ATP2C2: variants seen among roughly 807,000 people sequenced by gnomAD.
ATP2C2 encodes ATPase secretory pathway Ca2+ transporting 2.
In ATP2C2, 171 loss-of-function variants were observed where a neutral mutation model predicts 110.8. The ratio of observed to expected loss-of-function variants is 1.54; its 90% CI spans 1.36 to 1.75. ATP2C2 has a LOEUF of 1.75. Among genes scored for constraint, ATP2C2 ranks in the 40% most tolerant of loss-of-function variants. The pLI is 0.00. For missense variants in ATP2C2, 1,963 were observed against 1,235.0 expected, an observed-to-expected ratio of 1.59 and a Z score of -8.84; for synonymous variants, 804 against 508.4, an observed-to-expected ratio of 1.58 and a Z score of -7.82.
intron 1 of ATP2C2, among the ~76,000 whole-genome samples, chr16:84,385,307 G>A (rs537456749): frequency 2.0e-5 from 3 of 152,236 alleles, no homozygotes; most frequent in South Asian, 2.1e-4. Context: ...ACTCACATTC[G>A]CGAGGACAGT....
chr16:84,417,144 T>TG (rs1368846087), intron 7 of ATP2C2, among the ~76,000 whole-genome samples: 1 of 152,046 alleles, frequency 6.6e-6, no homozygotes, highest in Admixed American at 6.6e-5. Context: ...ATCTGCAAAA[T>TG]GGGGGGTGGT....
At chr16:84,455,067 T>G (rs1910666076) in intron 21 of ATP2C2, 83 bp downstream of exon 21, 75 of 973,838 alleles carry the variant, frequency 7.7e-5, no homozygotes, top group East Asian at 2.4e-4. Flanking sequence ...ACTGTGGAGA[T>G]AGAGGGGGGG....
chr16:84,443,784 T>C (rs1225625711), intron 15 of ATP2C2, among the ~76,000 whole-genome samples: 3 of 152,102 alleles, frequency 2.0e-5, no homozygotes, highest in Non-Finnish European at 4.4e-5. Context: ...ACCACTGCCT[T>C]CCCAAAGCTG....
chr16:84,419,208 T>TTAA (rs1186522596), intron 7 of ATP2C2, among the ~76,000 whole-genome samples: 1 of 47,494 alleles, frequency 2.1e-5, no homozygotes, highest in African/African-American at 8.2e-5. Flanking sequence ...ACCCCATCTT[T>TTAA]AAAAAAAAAA....
chr16:84,385,723 AGAAT>A (rs1244221953), intron 1 of ATP2C2, among the ~76,000 whole-genome samples: 1 of 152,172 alleles, frequency 6.6e-6, no homozygotes, highest in African/African-American at 2.4e-5. Flanking sequence ...GGCAGGAGAG[AGAAT>A]GAATGCTGAG....
intron 1 of ATP2C2, among the ~76,000 whole-genome samples, chr16:84,396,295 C>T (rs1468463159): frequency 6.6e-6 from 1 of 152,006 alleles, no homozygotes; most frequent in Non-Finnish European, 1.5e-5. Flanking sequence ...CCTGTAATCT[C>T]AGCACTTTTG....
At chr16:84,410,395 G>T (rs544955526) in intron 4 of ATP2C2, among the ~76,000 whole-genome samples, 173 bp from the exon 5 acceptor site, 1 of 152,272 alleles carries the variant, frequency 6.6e-6, no homozygotes, top group East Asian at 1.9e-4. Context: ...AAAAGATAGT[G>T]TCAATTTTTT....
intron 24 of ATP2C2, 30 bp downstream of exon 24, chr16:84,460,831 C>G: frequency 6.3e-7 from 1 of 1,593,976 alleles, no homozygotes; most frequent in African/African-American, 1.3e-5. Flanking sequence ...GCCTGTTCTC[C>G]AAGCCCTGGT....
chr16:84,404,358 C>T (rs1482621992), intron 2 of ATP2C2: 1 of 156,122 alleles, frequency 6.4e-6, no homozygotes, highest in East Asian at 1.9e-4. Context: ...CCTCTCCCTC[C>T]AGCCTCTGAC....
intron 15 of ATP2C2, 145 bp downstream of exon 15, chr16:84,442,744 T>C (rs932447944): frequency 5.3e-6 from 4 of 760,090 alleles, no homozygotes; most frequent in Non-Finnish European, 8.8e-6. Flanking sequence ...CCTTGGGCCA[T>C]CTGTTGGTGG....
At chr16:84,410,102 G>A (rs1257058642) in intron 4 of ATP2C2, among the ~76,000 whole-genome samples, 1 of 152,134 alleles carries the variant, frequency 6.6e-6, no homozygotes, top group East Asian at 1.9e-4. Context: ...CCAGCTACTT[G>A]GGAGGCCGAG....
chr16:84,412,843 C>T (rs1406593908), intron 6 of ATP2C2, among the ~76,000 whole-genome samples: 2 of 152,060 alleles, frequency 1.3e-5, no homozygotes, highest in Non-Finnish European at 2.9e-5. Flanking sequence ...CACCTGTAAT[C>T]CCAGCACTTT....
intron 22 of ATP2C2, 21 bp downstream of exon 22, chr16:84,459,209 C>T (rs202061354): frequency 2.4e-5 from 39 of 1,614,212 alleles, no homozygotes; most frequent in Middle Eastern, 1.6e-4. Flanking sequence ...GCCAGCATTC[C>T]GAGTGTCATT....
At chr16:84,442,907 C>G (rs1018761074) in intron 15 of ATP2C2, among the ~76,000 whole-genome samples, 10 of 152,130 alleles carry the variant, frequency 6.6e-5, no homozygotes, top group African/African-American at 2.4e-4. Context: ...ACGAGACTCC[C>G]TATGCACCCA....
At position 84,387,641 on chromosome 16, in the gene ATP2C2, T is replaced by C. The variant is rs191495375; in HGVS notation, c.100-10858T>C. Among the ~76,000 whole-genome samples the C allele has an allele frequency of 2.4e-3, 366 of 152,316 alleles. 2 individuals carry two copies. Among genetic ancestry groups the C allele is most frequent in the African/African-American group, 8.0e-3 (334 of 41,578 alleles). On this transcript the variant is annotated intron_variant, in intron 1 of 26. Coordinates refer to ENST00000262429, the MANE Select transcript of ATP2C2 (RefSeq NM_014861.4). ...AGCAACAAAAGAGAATGAGTGGCAG[T>C]TATTCATGGAAATGCACCAGTGAAG... is the stretch of plus-strand genomic sequence containing the variant.
intron 24 of ATP2C2, 68 bp from the exon 25 acceptor site, chr16:84,461,646 T>G: frequency 7.1e-7 from 1 of 1,401,162 alleles, no homozygotes; most frequent in Non-Finnish European, 1.0e-6. Context: ...GGCAGGCCTG[T>G]GCCCTTTGGT....
At chr16:84,416,222 G>A (rs781276950) in intron 7 of ATP2C2, among the ~76,000 whole-genome samples, 1 of 152,136 alleles carries the variant, frequency 6.6e-6, no homozygotes, top group Non-Finnish European at 1.5e-5. Context: ...CAAGCTTCGT[G>A]GGTCTCTGGG....
At chr16:84,398,859 T>A (rs945052457) in intron 2 of ATP2C2, among the ~76,000 whole-genome samples, 6 of 152,316 alleles carry the variant, frequency 3.9e-5, no homozygotes, top group Non-Finnish European at 7.4e-5. Context: ...TGTACGCTGC[T>A]TCTCTTCAGC....
At position 84,393,768 on chromosome 16, in the gene ATP2C2, C is replaced by T. The variant is rs369666970; in HGVS notation, c.100-4731C>T. On this transcript the variant is annotated intron_variant, in intron 1 of 26. Coordinates refer to ENST00000262429, the MANE Select transcript of ATP2C2 (RefSeq NM_014861.4). ...GTGGGGGGAGTGGGGGTGGAGGGGG[C>T]TGTGACCGACACAGGTGGGACCCAG... Among the ~76,000 whole-genome samples, 95 of 151,542 alleles carry T rather than the reference C, an allele frequency of 6.3e-4. 1 individual carries two copies. The East Asian group carries it at 0.015, about 24-fold the overall frequency.
Sources: allele counts gnomAD v4.1 joint callset (sites outside exome capture counted in the v4.1 genomes callset), GRCh38; gene constraint gnomAD v4.1.1; transcripts MANE v1.5; gene names NCBI Gene and HGNC (gene_info 2026-07-23, HGNC 2026-07-21).